Variants in BBS9 observed in about 807,000 individuals in gnomAD.
The protein encoded by BBS9 is protein PTHB1.
A neutral mutation model predicts 117.7 loss-of-function variants in BBS9; 89 were observed. The observed-to-expected ratio is 0.76, with a 90% CI of 0.64 to 0.90. The LOEUF (loss-of-function observed/expected upper bound fraction) is 0.90. Ranked by LOEUF, BBS9 falls within the 40% of genes least tolerant of loss-of-function variation. The pLI is 0.00. For synonymous variants in BBS9, 379 were observed against 370.9 expected, an observed-to-expected ratio of 1.02 and a Z score of -0.25; for missense variants, 982 against 1,042.2, an observed-to-expected ratio of 0.94 and a Z score of 0.80.
chr7:33,196,611 C>T lies in BBS9; in HGVS notation c.442+19020C>T, dbSNP rs115499216. On this transcript the variant is annotated intron_variant, in intron 5 of 22. Coordinates refer to ENST00000242067, the MANE Select transcript of BBS9 (RefSeq NM_198428.3). ...CATACATGTGGTTGAAATGTTAGAGCGTAATGTTAGAGAAGAATCTCTGTG... is the reference window on the plus strand; with the variant it reads ...CATACATGTGGTTGAAATGTTAGAGTGTAATGTTAGAGAAGAATCTCTGTG... Among the ~76,000 whole-genome samples, 321 of 152,246 alleles carry T rather than the reference C, an allele frequency of 2.1e-3. 1 individual carries two copies. Among genetic ancestry groups the T allele is most frequent in the African/African-American group, 7.3e-3 (305 of 41,550 alleles).
At chr7:33,334,071 T>C (rs953241274) in intron 9 of BBS9, among the ~76,000 whole-genome samples, 1 of 152,180 alleles carries the variant, frequency 6.6e-6, no homozygotes, top group Non-Finnish European at 1.5e-5. Context: ...GTAAAAAGTG[T>C]TTTTAGAGAG....
rs573322213 is a variant in BBS9 at position 33,240,532 on chromosome 7, C to T, written c.443-16704C>T. Among the ~76,000 whole-genome samples the T allele has an allele frequency of 3.9e-5, 6 of 152,208 alleles. No homozygotes were observed. In the South Asian group the frequency reaches 6.2e-4, roughly 16 times the overall value. On this transcript the variant is annotated intron_variant, in intron 5 of 22. Transcript: ENST00000242067. ...CCTCCTAAAGTTCTGGGATTACAGG[C>T]GTGTGCCACTGGGCCCACCCATTGT...
chr7:33,376,503 T>TATG (rs1460532790), intron 17 of BBS9, among the ~76,000 whole-genome samples: 1 of 152,224 alleles, frequency 6.6e-6, no homozygotes, highest in African/African-American at 2.4e-5. Context: ...ACAATGAGCA[T>TATG]ATGAGTGCAT....
chr7:33,536,243 T>C (rs1252521308), intron 21 of BBS9, among the ~76,000 whole-genome samples: 3 of 152,138 alleles, frequency 2.0e-5, no homozygotes, highest in Non-Finnish European at 4.4e-5. Context: ...ACAGTCGCAA[T>C]GCCTTGCCTT....
intron 4 of BBS9, among the ~76,000 whole-genome samples, chr7:33,167,555 A>G (rs1288923984): frequency 6.6e-6 from 1 of 151,864 alleles, no homozygotes; most frequent in Non-Finnish European, 1.5e-5. Flanking sequence ...GGTGCCCACC[A>G]CCATGTCCAG....
chr7:33,300,302 G>T (rs754770450), intron 9 of BBS9, among the ~76,000 whole-genome samples: 64 of 152,156 alleles, frequency 4.2e-4, no homozygotes, highest in Non-Finnish European at 3.7e-4. Context: ...GAGGGAAAGG[G>T]ATCCTTGGAT....
intron 9 of BBS9, among the ~76,000 whole-genome samples, chr7:33,313,910 C>T (rs1289566567): frequency 6.6e-6 from 1 of 152,176 alleles, no homozygotes; most frequent in Admixed American, 6.5e-5. Flanking sequence ...AAACATACCT[C>T]AGTATAAATC....
chr7:33,531,511 A>C (rs1352408522), intron 20 of BBS9, among the ~76,000 whole-genome samples: 1 of 152,174 alleles, frequency 6.6e-6, no homozygotes, highest in Non-Finnish European at 1.5e-5. Flanking sequence ...TAGCTGTATA[A>C]ATTTTTAAGT....
At chr7:33,408,389 C>T (rs1189186766) in intron 19 of BBS9, among the ~76,000 whole-genome samples, 3 of 152,298 alleles carry the variant, frequency 2.0e-5, no homozygotes, top group East Asian at 1.9e-4. Flanking sequence ...CTTGCACTTC[C>T]CGAGTGAGGC....
At chr7:33,286,197 A>G (rs1802852342) in intron 9 of BBS9, among the ~76,000 whole-genome samples, 1 of 152,138 alleles carries the variant, frequency 6.6e-6, no homozygotes, top group African/African-American at 2.4e-5. Flanking sequence ...TGTCATCAAG[A>G]CTGTGAACAT....
At chr7:33,413,653 T>C (rs1468699476) in intron 19 of BBS9, among the ~76,000 whole-genome samples, 1 of 147,196 alleles carries the variant, frequency 6.8e-6, no homozygotes, top group African/African-American at 2.5e-5. Flanking sequence ...CAGTTGCGTG[T>C]AAAAAAAAAA....
intron 9 of BBS9, among the ~76,000 whole-genome samples, chr7:33,316,985 A>C (rs1810639993): frequency 6.6e-6 from 1 of 152,138 alleles, no homozygotes; most frequent in Non-Finnish European, 1.5e-5. Context: ...TTCTTTAGAG[A>C]GCTTTATAAG....
At chr7:33,240,963 A>T (rs535344163) in intron 5 of BBS9, among the ~76,000 whole-genome samples, 1 of 152,174 alleles carries the variant, frequency 6.6e-6, no homozygotes, top group Non-Finnish European at 1.5e-5. Flanking sequence ...GGAGGGAGAT[A>T]AACATTAAGT....
chr7:33,559,739 ACTC>A (rs1366660231), intron 21 of BBS9, among the ~76,000 whole-genome samples: 1 of 151,798 alleles, frequency 6.6e-6, no homozygotes, highest in Non-Finnish European at 1.5e-5. Context: ...TTCACAATAA[ACTC>A]CTAATTATCT....
chr7:33,355,764 G>T (rs924809927), intron 15 of BBS9, among the ~76,000 whole-genome samples: 7 of 151,758 alleles, frequency 4.6e-5, no homozygotes, highest in Admixed American at 1.3e-4. Flanking sequence ...CAATCCATTT[G>T]TTTCGATTTC....
intron 19 of BBS9, among the ~76,000 whole-genome samples, chr7:33,420,179 C>T (rs2128852597): frequency 6.6e-6 from 1 of 152,248 alleles, no homozygotes; most frequent in Middle Eastern, 3.4e-3. Context: ...ACCCTGACTA[C>T]CTTTGTAAGC....
intron 2 of BBS9, among the ~76,000 whole-genome samples, chr7:33,148,310 T>A (rs1284049538): frequency 1.3e-5 from 2 of 152,054 alleles, no homozygotes; most frequent in Non-Finnish European, 2.9e-5. Flanking sequence ...GACTGTAACC[T>A]GGAGAATATG....
intron 4 of BBS9, among the ~76,000 whole-genome samples, chr7:33,171,566 G>A (rs189316127): frequency 1.3e-5 from 2 of 152,090 alleles, no homozygotes; most frequent in East Asian, 3.9e-4. Flanking sequence ...TTTTATATCA[G>A]TATTTGTGAT....
intron 19 of BBS9, among the ~76,000 whole-genome samples, chr7:33,443,121 G>T (rs1201797580): frequency 6.6e-6 from 1 of 151,994 alleles, no homozygotes. Flanking sequence ...AGTAGAACTG[G>T]CACCATTACC....
Sources: gnomAD v4.1 joint callset for allele counts (sites outside exome capture counted in the v4.1 genomes callset) on GRCh38, gnomAD v4.1.1 for gene constraint, MANE v1.5 for transcripts, NCBI Gene and HGNC (gene_info 2026-07-23, HGNC 2026-07-21) for gene names.